Variants in CLEC2B observed in about 807,000 individuals in gnomAD.
CLEC2B encodes C-type lectin domain family 2 member B.
In CLEC2B, 14 loss-of-function variants were observed where a neutral mutation model predicts 16.2. The ratio of observed to expected loss-of-function variants is 0.86; its 90% confidence interval spans 0.57 to 1.35. The LOEUF (loss-of-function observed/expected upper bound fraction) is 1.35. CLEC2B is among the 40% of genes most tolerant of loss of function. The pLI, the probability that CLEC2B is intolerant of heterozygous loss-of-function variation, is 0.00. For missense variants in CLEC2B, 166 were observed against 182.3 expected (o/e 0.91, Z 0.52); for synonymous variants, 42 against 55.8 (o/e 0.75, Z 1.10).
intron 3 of CLEC2B, chr12:9,854,814 A>G (rs1053016350): frequency 1.6e-5 from 6 of 386,702 alleles, no homozygotes; most frequent in Admixed American, 8.7e-5. Flanking sequence ...AGCATTTCCA[A>G]TTACCACATA....
chr12:9,854,311 G>C (rs559173226), intron 4 of CLEC2B, 70 bp downstream of exon 4: 5 of 970,322 alleles, frequency 5.2e-6, no homozygotes, highest in South Asian at 1.5e-5. Flanking sequence ...GAGAAATTTA[G>C]CTAAAGCATA....
chr12:9,854,672 A>C (rs1867880683), intron 3 of CLEC2B, 188 bp from the exon 4 acceptor site: 1 of 531,532 alleles, frequency 1.9e-6, no homozygotes, highest in Non-Finnish European at 3.3e-6. Flanking sequence ...TTTTTTGTGA[A>C]ACAAATATGT....
At chr12:9,861,821 G>A (rs1867935000) in intron 2 of CLEC2B, among the ~76,000 whole-genome samples, 1 of 151,988 alleles carries the variant, frequency 6.6e-6, no homozygotes, top group Non-Finnish European at 1.5e-5. Context: ...ACAATATTTT[G>A]TGACATATAA....
rs750982939 is a variant in CLEC2B at position 9,857,598 on chromosome 12, T to A, written c.113A>T (p.Asp38Val). 2 of 1,611,230 alleles carry A rather than the reference T, an allele frequency of 1.2e-6. No homozygotes were observed. The highest frequency in any genetic ancestry group is 4.5e-5 in the East Asian group (2 of 44,730). The stretch of plus-strand genomic sequence containing the variant: ...GCATTTGTTTTGGAAACCAATCCAA[T>A]CATAGGGGCATAAACTCTGAGAATC... ...TRDSQSLCPY[D>V]WIGFQNKCYY... Residue 38 changes from aspartate (D) to valine (V), a missense_variant, in exon 3 of 5, where the codon GAT becomes GTT. By Grantham distance (152) the Asp-to-Val change is radical (BLOSUM62 -3). Transcript: ENST00000228438.
At chr12:9,857,336 C>T (rs757381598) in intron 3 of CLEC2B, 138 bp downstream of exon 3, 18 of 650,918 alleles carry the variant, frequency 2.8e-5, no homozygotes, top group Non-Finnish European at 4.2e-5. Flanking sequence ...CTTTATGTCA[C>T]ATGGCATACT....
At chr12:9,853,438 T>G (rs757328847) in intron 4 of CLEC2B, 30 bp from the exon 5 acceptor site, 1 of 1,564,326 alleles carries the variant, frequency 6.4e-7, no homozygotes, top group South Asian at 1.1e-5. Flanking sequence ...CATTATGTAG[T>G]CATGTGATTT....
intron 1 of CLEC2B, chr12:9,867,403 T>G (rs1309814352): frequency 6.6e-6 from 1 of 152,186 alleles, no homozygotes; most frequent in Non-Finnish European, 1.5e-5. Flanking sequence ...ATGTGTTCAT[T>G]CTCTACTTAA....
chr12:9,853,083 A>AAGAGAAAGAAAGAGAAAGAAAGAG lies in CLEC2B; in HGVS notation c.*216_*217insCTCTTTCTTTCTCTTTCTTTCTCT, dbSNP rs1555123315. On this transcript the variant is annotated 3_prime_UTR_variant, in exon 5 of 5. Transcript: ENST00000228438. ...AAAGAAAGAAAGAAAGAAAGAAAGAAAGAGAGAGAGAGAAAGAAAGAAAGA... is the reference window on the plus strand; with the variant it reads ...AAAGAAAGAAAGAAAGAAAGAAAGAAAGAGAAAGAAAGAGAAAGAAAGAGAGAGAGAGAGAGAAAGAAAGAAAGA... 9.1e-6 allele frequency: 3 copies of AAGAGAAAGAAAGAGAAAGAAAGAG among 329,804 alleles called. No homozygotes were observed. Among genetic ancestry groups the AAGAGAAAGAAAGAGAAAGAAAGAG allele is most frequent in the African/African-American group, 2.8e-5 (1 of 35,188 alleles). The allele number at this position is 329,804 out of a possible 1,614,324, so 20.4% of individuals were successfully genotyped here. A position where few individuals can be genotyped will look rare whatever the true frequency, so the allele number is the denominator to read the frequency against.
At chr12:9,861,832 A>C (rs1565515833) in intron 2 of CLEC2B, among the ~76,000 whole-genome samples, 1 of 152,158 alleles carries the variant, frequency 6.6e-6, no homozygotes, top group African/African-American at 2.4e-5. Context: ...TGACATATAA[A>C]ATTTTATAAT....
intron 3 of CLEC2B, 110 bp downstream of exon 3, chr12:9,857,364 T>G: frequency 1.8e-5 from 14 of 769,920 alleles, no homozygotes; most frequent in Non-Finnish European, 2.9e-5. Context: ...TCTTCAATTT[T>G]CTGCATAGAT....
chr12:9,863,072 AG>A (rs1324033350), intron 1 of CLEC2B, among the ~76,000 whole-genome samples: 1 of 152,128 alleles, frequency 6.6e-6, no homozygotes, highest in African/African-American at 2.4e-5. Flanking sequence ...GTCAACTTAG[AG>A]TGGCTGTCGA....
chr12:9,864,500 C>T (rs1263757078), intron 1 of CLEC2B, among the ~76,000 whole-genome samples: 3 of 152,004 alleles, frequency 2.0e-5, no homozygotes, highest in African/African-American at 4.8e-5. Context: ...ACTGCAGAAA[C>T]CAGTTAAGAG....
Position 9,853,033 on chromosome 12 carries a change from A to C in CLEC2B, c.*267T>G. The C allele has an allele frequency of 9.1e-6, 2 of 219,154 alleles. No homozygotes were observed. The highest frequency in any genetic ancestry group is 1.7e-5 in the Non-Finnish European group (2 of 118,100). 13.6% of individuals were successfully genotyped at this position (219,154 alleles called of 1,614,324 possible). On this transcript the variant is annotated 3_prime_UTR_variant, in exon 5 of 5. Transcript: ENST00000228438. ...GCTATGTCTGTCCTTGATCCCCACA[A>C]TTGTTTTCTGGTTTACAGTTAAAAA...
chr12:9,854,306 A>T, intron 4 of CLEC2B, 75 bp downstream of exon 4: 7 of 926,656 alleles, frequency 7.6e-6, no homozygotes, highest in Non-Finnish European at 1.2e-5. Context: ...CTCTAGAGAA[A>T]TTTAGCTAAA....
chr12:9,859,005 T>A (rs1322080068), intron 2 of CLEC2B, among the ~76,000 whole-genome samples: 1 of 152,010 alleles, frequency 6.6e-6, no homozygotes, highest in Non-Finnish European at 1.5e-5. Flanking sequence ...CAACCTGTTA[T>A]ATGATATACA....
At chr12:9,855,148 T>A (rs545860737) in intron 3 of CLEC2B, among the ~76,000 whole-genome samples, 1 of 152,244 alleles carries the variant, frequency 6.6e-6, no homozygotes, top group East Asian at 1.9e-4. Context: ...TCCTTGAGGC[T>A]ACTCTGCTAC....
At chr12:9,855,603 C>T (rs1287981011) in intron 3 of CLEC2B, among the ~76,000 whole-genome samples, 3 of 151,628 alleles carry the variant, frequency 2.0e-5, no homozygotes, top group Admixed American at 2.0e-4. Flanking sequence ...TAAATGCAGA[C>T]GGCCAAGGAG....
intron 2 of CLEC2B, among the ~76,000 whole-genome samples, chr12:9,858,293 A>T (rs1453137012): frequency 4.6e-5 from 7 of 152,050 alleles, no homozygotes; most frequent in Non-Finnish European, 1.0e-4. Flanking sequence ...TGAGTGCATT[A>T]TGCCAATATT....
At chr12:9,868,188 T>C (rs543278856) in intron 1 of CLEC2B, among the ~76,000 whole-genome samples, 1 of 150,890 alleles carries the variant, frequency 6.6e-6, no homozygotes, top group Non-Finnish European at 1.5e-5. Flanking sequence ...TGTATTTATA[T>C]ACAAATGTAT....
Sources: gnomAD v4.1 joint callset for allele counts (sites outside exome capture counted in the v4.1 genomes callset) on GRCh38, gnomAD v4.1.1 for gene constraint, MANE v1.5 for transcripts, NCBI Gene and HGNC (gene_info 2026-07-23, HGNC 2026-07-21) for gene names.